TYW1B: variants seen among roughly 807,000 people sequenced by gnomAD.
TYW1B encodes the protein S-adenosyl-L-methionine-dependent tRNA 4-demethylwyosine synthase TYW1B.
A neutral mutation model predicts 86.9 loss-of-function variants in TYW1B; 73 were observed. The ratio of observed to expected loss-of-function variants is 0.84; its 90% CI spans 0.70 to 1.02. The LOEUF (loss-of-function observed/expected upper bound fraction) is 1.02. TYW1B is among the 50% of genes least tolerant of loss of function. The pLI, the probability that TYW1B is intolerant of heterozygous loss-of-function variation, is 0.00. For missense variants in TYW1B, 637 were observed against 827.4 expected (o/e 0.77, Z 2.82); for synonymous variants, 248 against 292.8 (o/e 0.85, Z 1.56).
intron 12 of TYW1B, among the ~76,000 whole-genome samples, chr7:72,621,164 G>C (rs2129568526): frequency 6.6e-6 from 1 of 152,258 alleles, no homozygotes; most frequent in South Asian, 2.1e-4. Flanking sequence ...CTGTCCGTCT[G>C]TCTGTCTCTC....
At chr7:72,679,831 A>T (rs1813826364) in intron 11 of TYW1B, among the ~76,000 whole-genome samples, 1 of 152,228 alleles carries the variant, frequency 6.6e-6, no homozygotes, top group Admixed American at 6.6e-5. Flanking sequence ...AGAGTGAAGT[A>T]TAAATATGGA....
chr7:72,671,694 T>C (rs1813604591), intron 11 of TYW1B, among the ~76,000 whole-genome samples: 2 of 152,170 alleles, frequency 1.3e-5, no homozygotes. Flanking sequence ...TTTCTTATTT[T>C]CTATTGGCTT....
chr7:72,709,528 G>T lies in TYW1B; in HGVS notation c.1370+4093C>A, dbSNP rs572435595. Among the ~76,000 whole-genome samples, 192 of 151,866 alleles carry T rather than the reference G, an allele frequency of 1.3e-3. 1 individual carries two copies. Among genetic ancestry groups the T allele is most frequent in the East Asian group, 5.6e-3 (29 of 5,168 alleles). On this transcript the variant is annotated intron_variant, in intron 10 of 13. Coordinates refer to ENST00000620995, the MANE Select transcript of TYW1B (RefSeq NM_001145440.3). Reference sequence around the variant, plus strand: ...CTAAAAATACAAAAAATTAGCTGGGGGTGGTGGTGGGTGCCTGTAGTCCCA... The same window carrying T: ...CTAAAAATACAAAAAATTAGCTGGGTGTGGTGGTGGGTGCCTGTAGTCCCA...
chr7:72,576,836 T>C (rs1192091017), intron 13 of TYW1B, among the ~76,000 whole-genome samples: 4 of 151,110 alleles, frequency 2.6e-5, no homozygotes, highest in Non-Finnish European at 5.9e-5. Flanking sequence ...TTAAAAAACT[T>C]CGACTAATGG....
At position 72,811,139 on chromosome 7, in the gene TYW1B, T is replaced by C. The variant is rs372772335; in HGVS notation, c.238-474A>G. On this transcript the variant is annotated intron_variant, in intron 3 of 13. Transcript: ENST00000620995. ...ACAAAAAATTAGACAGGCGTGGTGGTGGGCGCCTGTAGTCCCAGCTACTCA... is the reference window on the plus strand; with the variant it reads ...ACAAAAAATTAGACAGGCGTGGTGGCGGGCGCCTGTAGTCCCAGCTACTCA... Among the ~76,000 whole-genome samples, 1,178 of 151,014 alleles carry C rather than the reference T, an allele frequency of 7.8e-3. 13 individuals are homozygous for C. Among genetic ancestry groups the C allele is most frequent in the Non-Finnish European group, 0.014 (936 of 67,688 alleles).
chr7:72,735,739 G>A (rs1290126629), intron 8 of TYW1B, among the ~76,000 whole-genome samples: 3 of 151,152 alleles, frequency 2.0e-5, no homozygotes, highest in African/African-American at 7.3e-5. Flanking sequence ...GCTTGGTGGC[G>A]TGTGCCTGTA....
intron 11 of TYW1B, among the ~76,000 whole-genome samples, chr7:72,642,200 A>T (rs771700919): frequency 2.0e-5 from 3 of 152,220 alleles, no homozygotes; most frequent in Non-Finnish European, 4.4e-5. Context: ...CACATTGTCC[A>T]CCAAAATTAA....
chr7:72,761,716 G>A (rs775610251), intron 7 of TYW1B, among the ~76,000 whole-genome samples: 19 of 151,696 alleles, frequency 1.3e-4, no homozygotes, highest in Non-Finnish European at 2.6e-4. Context: ...TACCGAAAGG[G>A]AGAGAGAGAG....
At chr7:72,827,838 G>A (rs1321196027) in intron 1 of TYW1B, among the ~76,000 whole-genome samples, 2 of 152,152 alleles carry the variant, frequency 1.3e-5, no homozygotes, top group Admixed American at 6.5e-5. Context: ...CCTAATACAC[G>A]TGGGTAAAGT....
intron 11 of TYW1B, among the ~76,000 whole-genome samples, chr7:72,632,422 TAAAATATATATATACGTATATATATA>T (rs1563038854): frequency 9.1e-6 from 1 of 109,614 alleles, no homozygotes; most frequent in African/African-American, 4.2e-5. Context: ...CATATATATA[TAAAATATATATATACGTATATATATA>T]AAATATATAT....
intron 10 of TYW1B, among the ~76,000 whole-genome samples, chr7:72,710,208 C>T (rs377640264): frequency 2.0e-5 from 3 of 152,152 alleles, no homozygotes; most frequent in African/African-American, 7.2e-5. Flanking sequence ...CTACTACTAA[C>T]AGATTCCATT....
Position 72,682,464 on chromosome 7 carries a change from C to T in TYW1B, c.1506+12223G>A, listed in dbSNP as rs556741916. ...AAATATACATAAGAATTTTTATATC[C>T]TAAGGGTCTAAGCATGACACTAAAA... On this transcript the variant is annotated intron_variant, in intron 11 of 13. Transcript: ENST00000620995. 1.2e-4 allele frequency among the ~76,000 whole-genome samples: 18 copies of T among 152,140 alleles called. No individual in the cohort carries two copies. In the South Asian group the frequency reaches 1.2e-3, roughly 11 times the overall value.
At chr7:72,762,443 T>A (rs181209813) in intron 7 of TYW1B, among the ~76,000 whole-genome samples, 1 of 152,250 alleles carries the variant, frequency 6.6e-6, no homozygotes, top group East Asian at 1.9e-4. Flanking sequence ...TGTCAACTCC[T>A]GTAACTTTTG....
chr7:72,581,917 G>A (rs1349969705), intron 13 of TYW1B, among the ~76,000 whole-genome samples: 1 of 151,588 alleles, frequency 6.6e-6, no homozygotes, highest in Non-Finnish European at 1.5e-5. Context: ...ACAGGCACAC[G>A]CCACCACGCC....
chr7:72,593,169 G>T (rs1811437421), intron 13 of TYW1B, among the ~76,000 whole-genome samples: 1 of 152,044 alleles, frequency 6.6e-6, no homozygotes, highest in African/African-American at 2.4e-5. Context: ...GCACATGCCT[G>T]TAATCCCAGC....
intron 11 of TYW1B, among the ~76,000 whole-genome samples, chr7:72,678,505 C>G (rs1195521899): frequency 6.6e-6 from 1 of 151,760 alleles, no homozygotes; most frequent in Admixed American, 6.6e-5. Flanking sequence ...CCAAACACAA[C>G]AAAATGCTCA....
chr7:72,751,687 G>A (rs191823532), intron 7 of TYW1B, among the ~76,000 whole-genome samples: 1 of 152,184 alleles, frequency 6.6e-6, no homozygotes, highest in Non-Finnish European at 1.5e-5. Context: ...CTTGTTCCTT[G>A]GTATGGCAAG....
In TYW1B at chr7:72,805,161, T is replaced by C. The variant is rs377581570; in HGVS notation, c.723+1905A>G. Among the ~76,000 whole-genome samples, 21 of 151,092 alleles carry C rather than the reference T, an allele frequency of 1.4e-4. No homozygotes were observed. In the East Asian group the frequency reaches 2.7e-3, roughly 20 times the overall value. On this transcript the variant is annotated intron_variant, in intron 5 of 13. Coordinates refer to ENST00000620995, the MANE Select transcript of TYW1B (RefSeq NM_001145440.3). The stretch of plus-strand genomic sequence containing the variant: ...CAGTAAGAGACACACAGATACTACA[T>C]CAAAAGGGGCAATGCTTTAATGAAA...
intron 9 of TYW1B, among the ~76,000 whole-genome samples, chr7:72,715,953 T>C (rs1786773726): frequency 6.6e-6 from 1 of 152,116 alleles, no homozygotes; most frequent in Admixed American, 6.6e-5. Context: ...GTTTTTGAGA[T>C]GGAGTTGCGC....
Sources: gnomAD v4.1 joint callset for allele counts (sites outside exome capture counted in the v4.1 genomes callset) on GRCh38, gnomAD v4.1.1 for gene constraint, MANE v1.5 for transcripts, NCBI Gene and HGNC (gene_info 2026-07-23, HGNC 2026-07-21) for gene names.